Variants in SCD5 observed in about 807,000 individuals in gnomAD.
SCD5 encodes acyl-CoA-desaturase 4.
In SCD5, 20 loss-of-function variants were observed where a neutral mutation model predicts 30.4. The ratio of observed to expected loss-of-function variants is 0.66; its 90% confidence interval spans 0.46 to 0.96. The LOEUF (loss-of-function observed/expected upper bound fraction) is 0.96. SCD5 is among the 40% of genes least tolerant of loss of function. The pLI, the probability that SCD5 is intolerant of heterozygous loss-of-function variation, is 0.00. For missense variants in SCD5, 381 were observed against 443.3 expected, an observed-to-expected ratio of 0.86 and a Z score of 1.26; for synonymous variants, 173 against 176.4, an observed-to-expected ratio of 0.98 and a Z score of 0.16.
chr4:82,707,797 A>C (rs542423631), intron 1 of SCD5, among the ~76,000 whole-genome samples: 1 of 152,336 alleles, frequency 6.6e-6, no homozygotes, highest in Non-Finnish European at 1.5e-5. Flanking sequence ...GCCTTCAGGC[A>C]AGATTGTAGC....
At chr4:82,707,366 G>A (rs13138376) in intron 1 of SCD5, among the ~76,000 whole-genome samples, 51,418 of 152,074 alleles carry the variant, frequency 0.34, 10,231 homozygotes, top group Admixed American at 0.45. Flanking sequence ...AACAAAAGCA[G>A]GAATTAAAAA....
At chr4:82,727,945 T>G (rs1050657986) in intron 1 of SCD5, among the ~76,000 whole-genome samples, 5 of 152,110 alleles carry the variant, frequency 3.3e-5, no homozygotes, top group South Asian at 2.1e-4. Flanking sequence ...TGACCTCAAG[T>G]GATCTGCCCG....
At chr4:82,638,643 G>A (rs1167905693) in intron 3 of SCD5, among the ~76,000 whole-genome samples, 1 of 152,184 alleles carries the variant, frequency 6.6e-6, no homozygotes, top group African/African-American at 2.4e-5. Flanking sequence ...TCTCAAGCAG[G>A]AAGTAAGAGA....
intron 3 of SCD5, among the ~76,000 whole-genome samples, chr4:82,654,439 G>C (rs747161917): frequency 3.9e-5 from 6 of 152,164 alleles, no homozygotes; most frequent in Non-Finnish European, 7.3e-5. Context: ...CTAAGAATTT[G>C]ACTCTTAGAC....
chr4:82,766,692 A>T (rs1366635854), intron 1 of SCD5, among the ~76,000 whole-genome samples: 3 of 152,076 alleles, frequency 2.0e-5, no homozygotes, highest in Non-Finnish European at 4.4e-5. Flanking sequence ...AGTGCTGCAT[A>T]TTTTTTGTGT....
At chr4:82,756,671 C>G (rs560044596) in intron 1 of SCD5, among the ~76,000 whole-genome samples, 2 of 132,398 alleles carry the variant, frequency 1.5e-5, no homozygotes, top group East Asian at 5.4e-4. Context: ...CCCCTCCCCC[C>G]GTCCATGCAA....
chr4:82,693,529 C>T (rs1271706143), intron 2 of SCD5, among the ~76,000 whole-genome samples: 1 of 152,038 alleles, frequency 6.6e-6, no homozygotes, highest in East Asian at 1.9e-4. Context: ...CCAGAGAGAG[C>T]TTATTGGAAA....
At chr4:82,666,033 A>T (rs1320706115) in intron 3 of SCD5, among the ~76,000 whole-genome samples, 1 of 152,118 alleles carries the variant, frequency 6.6e-6, no homozygotes, top group Non-Finnish European at 1.5e-5. Context: ...TTTTATTCTT[A>T]TATTTTGTTT....
intron 3 of SCD5, among the ~76,000 whole-genome samples, chr4:82,650,495 AGAC>A (rs1325412269): frequency 6.6e-6 from 1 of 152,236 alleles, no homozygotes; most frequent in African/African-American, 2.4e-5. Flanking sequence ...CAGGAGTTCA[AGAC>A]CAGCTTGGGC....
intron 1 of SCD5, among the ~76,000 whole-genome samples, chr4:82,723,703 T>C (rs1034269460): frequency 2.0e-5 from 3 of 152,174 alleles, no homozygotes; most frequent in African/African-American, 7.2e-5. Flanking sequence ...ACTTCAACCA[T>C]GCCGGTAAGA....
intron 3 of SCD5, among the ~76,000 whole-genome samples, chr4:82,664,993 C>CTATA (rs1247846017): frequency 1.2e-3 from 107 of 86,906 alleles, no homozygotes; most frequent in Non-Finnish European, 1.5e-3. Flanking sequence ...CTCTCTCTCT[C>CTATA]TCTCTCTATA....
At chr4:82,734,341 T>C (rs1364972100) in intron 1 of SCD5, among the ~76,000 whole-genome samples, 1 of 152,228 alleles carries the variant, frequency 6.6e-6, no homozygotes, top group Non-Finnish European at 1.5e-5. Flanking sequence ...GGTAAAGCTC[T>C]GTCATCGGAT....
chr4:82,731,989 T>C (rs1025213754), intron 1 of SCD5, among the ~76,000 whole-genome samples: 6 of 152,204 alleles, frequency 3.9e-5, no homozygotes, highest in Admixed American at 3.9e-4. Flanking sequence ...ACCATGAATG[T>C]GACAATTAGG....
chr4:82,737,956 T>TAAA (rs35386827), intron 1 of SCD5, among the ~76,000 whole-genome samples: 336 of 147,304 alleles, frequency 2.3e-3, no homozygotes, highest in East Asian at 0.016. Context: ...TCTAATTAGC[T>TAAA]AAAAAAAAAA....
chr4:82,656,564 T>C (rs1578007875), intron 3 of SCD5, among the ~76,000 whole-genome samples: 1 of 152,334 alleles, frequency 6.6e-6, no homozygotes, highest in African/African-American at 2.4e-5. Flanking sequence ...TAAACATACA[T>C]GTGCATGTGT....
intron 3 of SCD5, among the ~76,000 whole-genome samples, chr4:82,639,655 G>A (rs1334104959): frequency 6.6e-6 from 1 of 152,220 alleles, no homozygotes; most frequent in Admixed American, 6.5e-5. Context: ...GAGGACCTGG[G>A]AGCTGGTGGT....
intron 1 of SCD5, among the ~76,000 whole-genome samples, chr4:82,793,365 C>T (rs979172677): frequency 2.6e-5 from 4 of 152,046 alleles, no homozygotes; most frequent in Non-Finnish European, 4.4e-5. Context: ...AAGATCCCAG[C>T]TACAAAACAA....
intron 1 of SCD5, among the ~76,000 whole-genome samples, chr4:82,764,270 C>A (rs943135848): frequency 1.3e-5 from 2 of 152,222 alleles, no homozygotes; most frequent in African/African-American, 4.8e-5. Flanking sequence ...ATAAAAAGAA[C>A]AGTTGCATCA....
chr4:82,779,573 C>T (rs1721825864), intron 1 of SCD5, among the ~76,000 whole-genome samples: 2 of 152,222 alleles, frequency 1.3e-5, no homozygotes, highest in South Asian at 4.1e-4. Flanking sequence ...GCCCAAATCA[C>T]TCCTCTGTAG....
Sources: allele counts gnomAD v4.1 joint callset (sites outside exome capture counted in the v4.1 genomes callset), GRCh38; gene constraint gnomAD v4.1.1; transcripts MANE v1.5; gene names NCBI Gene and HGNC (gene_info 2026-07-23, HGNC 2026-07-21).